RAB11FIP3: variants seen among roughly 807,000 people sequenced by gnomAD.
RAB11FIP3 encodes rab11 family-interacting protein 3.
Under a neutral mutation model 77.8 loss-of-function variants are expected in RAB11FIP3, and 17 were observed. That is an observed-to-expected ratio of 0.22 (90% CI 0.15 to 0.33). RAB11FIP3 has a LOEUF of 0.33. RAB11FIP3 is among the 10% of genes least tolerant of loss of function. The pLI is 1.00. For synonymous variants in RAB11FIP3, 437 were observed against 448.2 expected (o/e 0.98, Z 0.31); for missense variants, 1,005 against 1,011.2 (o/e 0.99, Z 0.08).
In RAB11FIP3 at chr16:425,655, C is replaced by T. The variant is rs373407511; in HGVS notation, c.-352C>T. The T allele has an allele frequency of 4.9e-3, 1,079 of 220,332 alleles. 3 individuals are homozygous for T. Among genetic ancestry groups the T allele is most frequent in the Non-Finnish European group, 7.1e-3 (793 of 111,168 alleles). 13.6% of individuals were successfully genotyped at this position (220,332 alleles called of 1,614,324 possible). On this transcript the variant is annotated 5_prime_UTR_variant, in exon 1 of 14. Transcript: ENST00000262305. ...CGGGTACCTCAGGCGCCTCAGCCTC[C>T]TTAGTCTCCTCATCCTGCTTCACAG...
At chr16:481,563 G>C (rs112726435) in intron 3 of RAB11FIP3, among the ~76,000 whole-genome samples, 3 of 150,196 alleles carry the variant, frequency 2.0e-5, no homozygotes, top group Non-Finnish European at 3.0e-5. Context: ...AGTCTCTTGA[G>C]TAGCTGGGAC....
At chr16:519,555 C>T (rs1157300952) in intron 10 of RAB11FIP3, among the ~76,000 whole-genome samples, 199 bp from the exon 11 acceptor site, 6 of 152,234 alleles carry the variant, frequency 3.9e-5, no homozygotes, top group African/African-American at 1.2e-4. Context: ...CCTGCGTGTG[C>T]GCCTCTACCC....
chr16:511,989 C>A (rs2141887799), intron 9 of RAB11FIP3, among the ~76,000 whole-genome samples: 1 of 148,662 alleles, frequency 6.7e-6, no homozygotes, highest in African/African-American at 2.5e-5. Context: ...ACAGCCCACC[C>A]ACCCCAGAAA....
At chr16:482,336 G>GT (rs1567382857) in intron 3 of RAB11FIP3, 189 bp from the exon 4 acceptor site, 1 of 710,982 alleles carries the variant, frequency 1.4e-6, no homozygotes, top group East Asian at 2.7e-5. Flanking sequence ...GATTACAGGC[G>GT]TGAGTCACCG....
At chr16:455,206 G>A (rs576258433) in intron 1 of RAB11FIP3, among the ~76,000 whole-genome samples, 6 of 151,670 alleles carry the variant, frequency 4.0e-5, no homozygotes, top group East Asian at 3.9e-4. Context: ...GCAGCCAGGC[G>A]CCATGGCTCA....
intron 4 of RAB11FIP3, among the ~76,000 whole-genome samples, chr16:484,356 A>T (rs1442088377): frequency 4.3e-4 from 63 of 145,090 alleles, no homozygotes; most frequent in Middle Eastern, 3.6e-3. Context: ...GGATTTAGCC[A>T]TTTTTTTTTT....
At chr16:491,175 A>C in intron 5 of RAB11FIP3, 1 of 1,304,282 alleles carries the variant, frequency 7.7e-7, no homozygotes, top group Non-Finnish European at 1.0e-6. Context: ...ATCCTCACTG[A>C]TGAGGCGTTT....
chr16:502,958 T>G lies in RAB11FIP3; in HGVS notation c.1302-46T>G. Reference sequence around the variant, plus strand: ...GTGCTTGTGCTGACGGAGCATGTCCTGTGGTTTTTCCCTTTCTTCCCTCTG... The same window carrying G: ...GTGCTTGTGCTGACGGAGCATGTCCGGTGGTTTTTCCCTTTCTTCCCTCTG... On this transcript the variant is annotated intron_variant, in intron 6 of 13. Coordinates refer to ENST00000262305, the MANE Select transcript of RAB11FIP3 (RefSeq NM_014700.4). 2.1e-6 allele frequency: 3 copies of G among 1,450,022 alleles called. No homozygotes were observed. The South Asian group carries it at 3.4e-5, about 17-fold the overall frequency. The allele number at this position is 1,450,022 out of a possible 1,614,324, so 89.8% of individuals were successfully genotyped here.
intron 1 of RAB11FIP3, among the ~76,000 whole-genome samples, chr16:448,252 G>A (rs1331419321): frequency 6.6e-6 from 1 of 151,610 alleles, no homozygotes; most frequent in Non-Finnish European, 1.5e-5. Context: ...ATGAGGCAGA[G>A]GTTGCAGTGA....
At chr16:491,263 G>A in intron 5 of RAB11FIP3, 1 of 1,304,734 alleles carries the variant, frequency 7.7e-7, no homozygotes, top group South Asian at 1.2e-5. Flanking sequence ...ATCTTGAAAT[G>A]AATAGGTAAC....
At chr16:446,703 G>GTT (rs368828244) in intron 1 of RAB11FIP3, among the ~76,000 whole-genome samples, 1 of 148,042 alleles carries the variant, frequency 6.8e-6, no homozygotes, top group Non-Finnish European at 1.5e-5. Context: ...AAACTTTTTT[G>GTT]TTTTTTTTTT....
chr16:482,495 C>T, intron 3 of RAB11FIP3, 30 bp from the exon 4 acceptor site: 3 of 1,606,444 alleles, frequency 1.9e-6, no homozygotes, highest in African/African-American at 1.3e-5. Flanking sequence ...CCAGCTTGTG[C>T]CCGCTGACTG....
intron 6 of RAB11FIP3, among the ~76,000 whole-genome samples, chr16:500,168 C>T (rs1016878913): frequency 9.9e-5 from 15 of 152,180 alleles, no homozygotes; most frequent in Non-Finnish European, 2.9e-5. Flanking sequence ...CGGGCAGAGC[C>T]GAGTCCATCA....
At chr16:516,809 A>G (rs2032437008) in intron 9 of RAB11FIP3, among the ~76,000 whole-genome samples, 1 of 152,180 alleles carries the variant, frequency 6.6e-6, no homozygotes, top group African/African-American at 2.4e-5. Flanking sequence ...CCTGGGAGGC[A>G]GAGGTTGCAC....
chr16:492,359 G>GC lies in RAB11FIP3; in HGVS notation c.1265+3359_1265+3360insC, dbSNP rs199613861. ...AAAGCAGAAGTGCTCTTTGAAGAGG[G>GC]TCTTCCCGGGAGACCCGAGGCCGCC... On this transcript the variant is annotated intron_variant, in intron 5 of 13. Coordinates refer to ENST00000262305, the MANE Select transcript of RAB11FIP3 (RefSeq NM_014700.4). Among the ~76,000 whole-genome samples, 251 of 41,910 alleles carry GC rather than the reference G, an allele frequency of 6.0e-3. 9 individuals are homozygous for GC. The highest frequency in any genetic ancestry group is 0.037 in the African/African-American group (230 of 6,140). The allele number at this position is 41,910 out of a possible 152,430, so 27.5% of individuals were successfully genotyped here.
rs1353444221 is a variant in RAB11FIP3 at position 472,195 on chromosome 16, C to T, written c.903+806C>T. ...GAGTTGCTTTTGGACGCCACTGTAC[C>T]GTGGGAGCCATGGTATTATACTCAG... On this transcript the variant is annotated intron_variant, in intron 3 of 13. Coordinates refer to ENST00000262305, the MANE Select transcript of RAB11FIP3 (RefSeq NM_014700.4). This position sits in a 1 kb window ranked among gnomAD's most constrained non-coding sequence, Gnocchi z 4.1. 2.0e-5 allele frequency among the ~76,000 whole-genome samples: 3 copies of T among 152,168 alleles called. No homozygotes were observed. The highest frequency in any genetic ancestry group is 4.8e-5 in the African/African-American group (2 of 41,436).
intron 6 of RAB11FIP3, among the ~76,000 whole-genome samples, chr16:501,774 T>TC (rs951291933): frequency 2.2e-4 from 27 of 123,088 alleles, no homozygotes; most frequent in African/African-American, 8.1e-4. Flanking sequence ...TGGGAGAGGG[T>TC]CCCCCCATTT....
chr16:461,627 C>T lies in RAB11FIP3; in HGVS notation c.808+130C>T. 1.5e-6 allele frequency: 1 copy of T among 673,970 alleles called. No homozygotes were observed. Among genetic ancestry groups the T allele is most frequent in the Non-Finnish European group, 2.5e-6 (1 of 402,402 alleles). 41.7% of individuals were successfully genotyped at this position (673,970 alleles called of 1,614,324 possible). On this transcript the variant is annotated intron_variant, in intron 2 of 13. Transcript: ENST00000262305. This position sits in a 1 kb window ranked among gnomAD's most constrained non-coding sequence, Gnocchi z 4.5. ...CCTTCTCCTTGAAGCCCCCAACATA[C>T]CCCAGGTTTCCAGGTGGTCTCTTTC...
Position 426,497 on chromosome 16 carries a change from TC to T in RAB11FIP3, c.495del (p.Ala166ArgfsTer74). 6.3e-7 allele frequency: 1 copy of T among 1,578,672 alleles called. No individual in the cohort carries two copies. The highest frequency in any genetic ancestry group is 1.8e-5 in the Admixed American group (1 of 54,328). On this transcript the variant is annotated frameshift_variant, in exon 1 of 14. Transcript: ENST00000262305. LOFTEE classifies it high-confidence loss of function. The surrounding 1 kb of genome is among the most constrained non-coding windows in gnomAD (Gnocchi z 5.0). ...GGCGAGGTCGACGTCTTCTCTCCCT[TC>T]CCCGCGCCCACGGCGGGCGAGCTGG... is the stretch of plus-strand genomic sequence containing the variant. Reference protein sequence around the residue: ...ARGEVDVFSPFPAPTAGELAL... With the variant: ...ARGEVDVFSPXPAPTAGELAL...
Sources: allele counts gnomAD v4.1 joint callset (sites outside exome capture counted in the v4.1 genomes callset), GRCh38; gene constraint gnomAD v4.1.1; non-coding constraint Gnocchi (gnomAD v3.1); transcripts MANE v1.5; gene names NCBI Gene and HGNC (gene_info 2026-07-23, HGNC 2026-07-21).